The following UBR1 variants were observed in gnomAD, a reference collection of about 807,000 sequenced individuals.
UBR1 encodes the protein ubiquitin protein ligase E3 component n-recognin 1.
UBR1 carries 102 observed loss-of-function variants against 242.1 expected under a neutral mutation model. That is an observed-to-expected ratio of 0.42 (90% CI 0.36 to 0.50). The LOEUF (loss-of-function observed/expected upper bound fraction) is 0.50, where lower values mean the gene tolerates loss of function less well. Ranked by LOEUF, UBR1 falls within the 20% of genes least tolerant of loss-of-function variation. UBR1 has a pLI of 0.01. For synonymous variants in UBR1, 675 were observed against 684.8 expected (o/e 0.99, Z 0.22); for missense variants, 1,772 against 2,101.8 (o/e 0.84, Z 3.07).
intron 4 of UBR1, among the ~76,000 whole-genome samples, chr15:43,074,543 C>T (rs2033862711): frequency 1.3e-5 from 2 of 152,156 alleles, no homozygotes; most frequent in South Asian, 4.1e-4. Flanking sequence ...ATTCTCGTGC[C>T]TCAGTCCCCC....
chr15:43,041,911 A>G (rs2033424077), intron 15 of UBR1, among the ~76,000 whole-genome samples: 1 of 152,248 alleles, frequency 6.6e-6, no homozygotes, highest in South Asian at 2.1e-4. Flanking sequence ...AATGGCCAAC[A>G]AACATTTGAA....
chr15:42,970,415 GATT>G, intron 40 of UBR1, 102 bp downstream of exon 40: 1 of 1,220,560 alleles, frequency 8.2e-7, no homozygotes, highest in Non-Finnish European at 1.2e-6. Context: ...GGCAATAACT[GATT>G]ATTTTTAACT....
intron 15 of UBR1, among the ~76,000 whole-genome samples, chr15:43,040,908 A>C (rs61086631): frequency 3.2e-3 from 489 of 152,282 alleles, no homozygotes; most frequent in African/African-American, 0.011. Context: ...ATCTCACACC[A>C]GTTAGAATGG....
At chr15:43,104,730 T>C (rs959057626) in intron 1 of UBR1, among the ~76,000 whole-genome samples, 1 of 150,810 alleles carries the variant, frequency 6.6e-6, no homozygotes, top group Non-Finnish European at 1.5e-5. Flanking sequence ...CCTTCAAGAA[T>C]GCTTTTAATC....
At position 42,978,421 on chromosome 15, in the gene UBR1, GT is replaced by G. The variant is rs200262486; in HGVS notation, c.4151-475del. The stretch of plus-strand genomic sequence containing the variant: ...TCATCCTGAACAAAATTAGATAATG[GT>G]TTATATAGATTGTTCATCTGGAGGA... On this transcript the variant is annotated intron_variant, in intron 37 of 46. Transcript: ENST00000290650. 6.1e-3 allele frequency among the ~76,000 whole-genome samples: 926 copies of G among 152,244 alleles called. 2 individuals carry two copies. The highest frequency in any genetic ancestry group is 9.9e-3 in the Non-Finnish European group (672 of 68,026).
intron 23 of UBR1, 65 bp downstream of exon 23, chr15:43,026,496 T>C: frequency 1.4e-6 from 2 of 1,430,322 alleles, no homozygotes; most frequent in Non-Finnish European, 2.0e-6. Flanking sequence ...AGCAGAAAAT[T>C]TTCTGTGGAG....
At chr15:43,017,498 A>T (rs1017610003) in intron 27 of UBR1, among the ~76,000 whole-genome samples, 4 of 152,126 alleles carry the variant, frequency 2.6e-5, no homozygotes, top group Non-Finnish European at 5.9e-5. Flanking sequence ...TTGTGCAAAA[A>T]CACATAAAAA....
In UBR1 at chr15:43,015,570, C is replaced by T. The variant is rs1238243908; in HGVS notation, c.3209+118G>A. On this transcript the variant is annotated intron_variant, in intron 29 of 46. Coordinates refer to ENST00000290650, the MANE Select transcript of UBR1 (RefSeq NM_174916.3). ...CTTTGTTCACTTGTTTATCTGCTGA[C>T]CTTCCCTCCACTATTGTCCTATGAC... 3 of 1,121,220 alleles carry T rather than the reference C, an allele frequency of 2.7e-6. No individual in the cohort carries two copies. The South Asian group carries it at 3.8e-5, about 14-fold the overall frequency. The allele number at this position is 1,121,220 out of a possible 1,614,324, so 69.5% of individuals were successfully genotyped here.
intron 31 of UBR1, among the ~76,000 whole-genome samples, chr15:43,003,564 C>G (rs1354349413): frequency 6.6e-5 from 10 of 152,158 alleles, no homozygotes; most frequent in Non-Finnish European, 1.3e-4. Flanking sequence ...CCAATTATTA[C>G]TTTTTTTACA....
At chr15:42,970,373 C>T in intron 40 of UBR1, 147 bp downstream of exon 40, 2 of 815,350 alleles carry the variant, frequency 2.5e-6, no homozygotes, top group East Asian at 2.5e-5. Context: ...AAATGTAAGA[C>T]CTAAACCATA....
intron 19 of UBR1, among the ~76,000 whole-genome samples, chr15:43,033,632 C>G (rs575994334): frequency 6.6e-6 from 1 of 151,552 alleles, no homozygotes; most frequent in Non-Finnish European, 1.5e-5. Context: ...CCAGCCTGGG[C>G]GACAGAGCGA....
intron 4 of UBR1, among the ~76,000 whole-genome samples, chr15:43,074,713 G>A (rs950341747): frequency 3.3e-5 from 5 of 152,138 alleles, no homozygotes; most frequent in South Asian, 2.1e-4. Context: ...GAGCCATAGC[G>A]CCCGACCTGT....
chr15:43,053,615 T>G (rs758425033), intron 12 of UBR1, among the ~76,000 whole-genome samples: 3 of 152,138 alleles, frequency 2.0e-5, no homozygotes, highest in Non-Finnish European at 2.9e-5. Context: ...TTTTTAGAGA[T>G]AGGATCCCGC....
At chr15:43,022,637 A>T in intron 26 of UBR1, 65 bp downstream of exon 26, 1 of 1,233,046 alleles carries the variant, frequency 8.1e-7, no homozygotes, top group Non-Finnish European at 1.2e-6. Flanking sequence ...GGATTGACAA[A>T]TTAAAACTCC....
chr15:42,964,898 C>G (rs192400718), intron 41 of UBR1, among the ~76,000 whole-genome samples: 4 of 152,362 alleles, frequency 2.6e-5, no homozygotes, highest in Admixed American at 2.6e-4. Context: ...GTTCCCCACT[C>G]TGGCCCCAAT....
rs780625695 is a variant in UBR1, at chr15:43,047,197, A to C, written c.1632T>G (p.Asn544Lys). The C allele has an allele frequency of 1.2e-6, 2 of 1,614,202 alleles. No individual in the cohort carries two copies. The highest frequency in any genetic ancestry group is 1.7e-6 in the Non-Finnish European group (2 of 1,180,032). The change falls in exon 14 of 47, where the codon AAT (asparagine) becomes AAG (lysine). Residue 544 changes from asparagine (N) to lysine (K), a missense_variant. Coordinates refer to ENST00000290650, the MANE Select transcript of UBR1 (RefSeq NM_174916.3). The stretch of plus-strand genomic sequence containing the variant: ...ACCACTCTTGGAACATGAGTAAAAT[A>C]TTCTTCAATTGCATCTGTATAGCAA... ...AAIAIQMQLK[N>K]ILLMFQEWCA... is the part of the protein sequence containing the mutation.
chr15:43,081,551 T>A (rs1250847339), intron 3 of UBR1, among the ~76,000 whole-genome samples: 2 of 152,066 alleles, frequency 1.3e-5, no homozygotes, highest in Non-Finnish European at 2.9e-5. Flanking sequence ...TAATTTGCAA[T>A]TCCCTAATGA....
chr15:42,987,125 G>A (rs1427311244), intron 35 of UBR1, among the ~76,000 whole-genome samples: 1 of 152,248 alleles, frequency 6.6e-6, no homozygotes, highest in Non-Finnish European at 1.5e-5. Flanking sequence ...GACAAGGATG[G>A]TCACGGCCTA....
chr15:42,984,953 A>T lies in UBR1; in HGVS notation c.3998-11T>A, dbSNP rs2141273146. ...CTCCCAATAGATTTTCTCAAAGAATAAAAAAAAATAAAAATAATAAATCCT... is the reference window on the plus strand; with the variant it reads ...CTCCCAATAGATTTTCTCAAAGAATTAAAAAAAATAAAAATAATAAATCCT... On this transcript the variant is annotated splice_polypyrimidine_tract_variant and intron_variant, in intron 35 of 46. Transcript: ENST00000290650. 6.6e-7 allele frequency: 1 copy of T among 1,503,868 alleles called. No homozygotes were observed. The highest frequency in any genetic ancestry group is 2.3e-5 in the East Asian group (1 of 42,956). The allele number at this position is 1,503,868 out of a possible 1,614,324, so 93.2% of individuals were successfully genotyped here. A position where few individuals can be genotyped will look rare whatever the true frequency, so the allele number is the denominator to read the frequency against.
Sources: allele counts gnomAD v4.1 joint callset (sites outside exome capture counted in the v4.1 genomes callset), GRCh38; gene constraint gnomAD v4.1.1; transcripts MANE v1.5; gene names NCBI Gene and HGNC (gene_info 2026-07-23, HGNC 2026-07-21).